The following DGKZ variants were observed in gnomAD, a reference collection of about 807,000 sequenced individuals.
The protein encoded by DGKZ is DAG kinase zeta.
In DGKZ, 45 loss-of-function variants were observed where a neutral mutation model predicts 142.5. The observed-to-expected ratio is 0.32, with a 90% CI of 0.25 to 0.40. The LOEUF (loss-of-function observed/expected upper bound fraction) is 0.40, where lower values mean the gene tolerates loss of function less well. Among genes scored for constraint, DGKZ ranks in the 10% least tolerant of loss-of-function variants. The pLI, the probability that DGKZ is intolerant of heterozygous loss-of-function variation, is 1.00. For synonymous variants in DGKZ, 442 were observed against 527.0 expected, an observed-to-expected ratio of 0.84 and a Z score of 2.21; for missense variants, 755 against 1,306.5, an observed-to-expected ratio of 0.58 and a Z score of 6.51.
chr11:46,333,457 A>G lies in DGKZ; in HGVS notation c.182A>G (p.Gln61Arg), dbSNP rs761728572. 2.0e-5 allele frequency: 30 copies of G among 1,538,014 alleles called. No homozygotes were observed. The African/African-American group carries it at 3.8e-4, about 19-fold the overall frequency. ...CCCCCGGTGGAGGAGCGTTTCCGCC[A>G]GCTGCACCTACGAAAGCAGGTGTCT... The change falls in exon 1 of 31, where the codon CAG (glutamine) becomes CGG (arginine). Residue 61 changes from glutamine (Q) to arginine (R), a missense_variant. Coordinates refer to the DGKZ transcript ENST00000343674.
At chr11:46,345,627 G>C, upstream of DGKZ, 1 of 1,470,770 alleles carries the variant, frequency 6.8e-7, no homozygotes, top group Non-Finnish European at 9.0e-7. The surrounding 1 kb of genome is among the most constrained non-coding windows in gnomAD (Gnocchi z 4.1). Flanking sequence ...TGGGACCTCT[G>C]TCCCTCTATG....
Position 46,366,257 on chromosome 11 carries a change from A to G in DGKZ, c.162-1034A>G, listed in dbSNP as rs372366789. On this transcript the variant is annotated intron_variant, in intron 1 of 30. Coordinates refer to ENST00000527911, the Ensembl canonical transcript of DGKZ. ...TGTGCCCAACAGCCAACCGCCTGCCATGGAGACTTTCTTTAGGAGACATTT... is the reference window on the plus strand; with the variant it reads ...TGTGCCCAACAGCCAACCGCCTGCCGTGGAGACTTTCTTTAGGAGACATTT... 9 of 1,576,394 alleles carry G rather than the reference A, an allele frequency of 5.7e-6. No homozygotes were observed. In the Admixed American group the frequency reaches 1.2e-4, roughly 22 times the overall value.
chr11:46,373,671 T>A (rs1944240086), intron 14 of DGKZ, among the ~76,000 whole-genome samples: 1 of 152,124 alleles, frequency 6.6e-6, no homozygotes, highest in Non-Finnish European at 1.5e-5. Context: ...CTAATTTTTG[T>A]ATTTTTAGTA....
chr11:46,362,157 G>T (rs1033284129), intron 1 of DGKZ, among the ~76,000 whole-genome samples: 4 of 152,146 alleles, frequency 2.6e-5, no homozygotes, highest in Non-Finnish European at 5.9e-5. Flanking sequence ...GCAGCTGCAG[G>T]CCCTTGCTCT....
intron 1 of DGKZ, among the ~76,000 whole-genome samples, chr11:46,333,992 A>G (rs985954366): frequency 3.3e-5 from 5 of 152,136 alleles, no homozygotes; most frequent in Non-Finnish European, 5.9e-5. Flanking sequence ...CCCATGCCCC[A>G]GCAGGCCCTG....
chr11:46,369,983 G>A, exon 6 of DGKZ: 1 of 1,613,856 alleles, frequency 6.2e-7, no homozygotes, highest in Non-Finnish European at 8.5e-7. Flanking sequence ...ACGACGCCAG[G>A]ACGGCAAGTG....
In DGKZ at chr11:46,368,003, A is replaced by G. The variant is rs1368418400; in HGVS notation, c.368A>G (p.Gln123Arg). The change falls in exon 4 of 31, where the codon CAG becomes CGG. Residue 123 changes from glutamine (Q) to arginine (R), a missense_variant and splice_region_variant. By Grantham distance (43) the Gln-to-Arg change is conservative (BLOSUM62 1). Transcript: ENST00000527911. ...GGGCCCTCTCTTCCTGTCCTGCAGC[A>G]GAAGTCAGTGTCTCGAAGAAAGTGC... The G allele has an allele frequency of 1.2e-6, 2 of 1,613,964 alleles. No individual in the cohort carries two copies.
exon 20 of DGKZ, chr11:46,375,500 C>G (rs1010147105): frequency 3.8e-6 from 6 of 1,591,118 alleles, no homozygotes; most frequent in Non-Finnish European, 5.1e-6. Context: ...TCACCACATC[C>G]AAGGCCATCC....
At position 46,366,362 on chromosome 11, in the gene DGKZ, C is replaced by T. The variant is rs775715833; in HGVS notation, c.162-929C>T. 5.3e-5 allele frequency: 81 copies of T among 1,522,448 alleles called. No individual in the cohort carries two copies. Among genetic ancestry groups the T allele is most frequent in the African/African-American group, 1.4e-4 (10 of 72,600 alleles). The allele number at this position is 1,522,448 out of a possible 1,614,324, so 94.3% of individuals were successfully genotyped here. The stretch of plus-strand genomic sequence containing the variant: ...GCTGCCCACAGGCAAGGCCCGGCGT[C>T]GCTCCCCCGCTGGGCAGGCCTCCTC... On this transcript the variant is annotated intron_variant, in intron 1 of 30. Coordinates refer to ENST00000527911, the Ensembl canonical transcript of DGKZ.
chr11:46,371,659 C>A (rs200852628), intron 8 of DGKZ, 45 bp from the exon 9 acceptor site: 16 of 1,613,686 alleles, frequency 9.9e-6, no homozygotes, highest in African/African-American at 1.3e-5. Context: ...TGCCAGCTAC[C>A]CCAGCCTGCC....
chr11:46,375,465 C>T, exon 20 of DGKZ: 1 of 1,582,000 alleles, frequency 6.3e-7, no homozygotes, highest in Non-Finnish European at 8.5e-7. Context: ...CGGCGAGCGG[C>T]TGACGCAGTG....
chr11:46,353,976 G>A (rs1455373762), intron 1 of DGKZ, among the ~76,000 whole-genome samples: 2 of 152,338 alleles, frequency 1.3e-5, no homozygotes, highest in Admixed American at 1.3e-4. Flanking sequence ...ACAGAGAGAG[G>A]CGGGGGCGGT....
At chr11:46,364,888 C>A (rs567703716) in intron 1 of DGKZ, 1 of 985,462 alleles carries the variant, frequency 1.0e-6, no homozygotes, top group East Asian at 1.1e-4. Flanking sequence ...ACCTTGACCT[C>A]TGTGGCTGCC....
At chr11:46,339,625 G>A (rs188582221) in intron 1 of DGKZ, among the ~76,000 whole-genome samples, 41 of 152,352 alleles carry the variant, frequency 2.7e-4, no homozygotes, top group South Asian at 4.1e-4. Context: ...GCCCCCAGCA[G>A]CCCATGTCCC....
At chr11:46,371,804 G>C (rs1943976776) in intron 9 of DGKZ, 29 bp downstream of exon 9, 2 of 1,605,894 alleles carry the variant, frequency 1.2e-6, no homozygotes, top group Admixed American at 3.4e-5. Context: ...AGAGGCTGCA[G>C]GGGAGCAGGA....
intron 1 of DGKZ, among the ~76,000 whole-genome samples, chr11:46,337,366 G>A (rs1182987134): frequency 6.9e-6 from 1 of 144,922 alleles, no homozygotes; most frequent in Non-Finnish European, 1.5e-5. Context: ...CGTGATCTTG[G>A]TTCACTGCAA....
rs759654180 is a variant in DGKZ, at chr11:46,366,738, G to A, written c.162-553G>A. On this transcript the variant is annotated intron_variant, in intron 1 of 30. Transcript: ENST00000527911. ...TTGCCCCTACCCCGCTACCTGCGCC[G>A]AGCCTCCTCCCACCTGCTCCCCGCG... 16 of 1,552,106 alleles carry A rather than the reference G, an allele frequency of 1.0e-5. No homozygotes were observed. In the Admixed American group the frequency reaches 1.2e-4, roughly 11 times the overall value.
upstream of DGKZ, among the ~76,000 whole-genome samples, chr11:46,343,680 G>A (rs957535995): frequency 2.6e-5 from 4 of 152,176 alleles, no homozygotes; most frequent in Non-Finnish European, 4.4e-5. Context: ...AGCTCCTAAC[G>A]CATTCCCCCT....
In DGKZ at chr11:46,374,643, C is replaced by T. The variant is rs374325875; in HGVS notation, c.1501C>T (p.Leu501=). 7 of 1,583,332 alleles carry T rather than the reference C, an allele frequency of 4.4e-6. No homozygotes were observed. The African/African-American group carries it at 9.4e-5, about 21-fold the overall frequency. Residue 501 remains leucine (L), a synonymous_variant, in exon 17 of 31, where the codon CTG becomes TTG. Coordinates refer to ENST00000527911, the Ensembl canonical transcript of DGKZ. ...CTTCCTGATGGGCAGCTCCAAGGAC[C>T]TGGCCAAGCACATCCGAGTGGTGGT...
Sources: gnomAD v4.1 joint callset for allele counts (sites outside exome capture counted in the v4.1 genomes callset) on GRCh38, gnomAD v4.1.1 for gene constraint, Gnocchi (gnomAD v3.1) non-coding constraint, MANE v1.5 for transcripts, NCBI Gene and HGNC (gene_info 2026-07-23, HGNC 2026-07-21) for gene names.